PTK2: variants seen among roughly 807,000 people sequenced by gnomAD.
PTK2 encodes focal adhesion kinase 1.
PTK2 carries 45 observed loss-of-function variants against 150.1 expected under a neutral mutation model. The ratio of observed to expected loss-of-function variants is 0.30; its 90% CI spans 0.24 to 0.38. The LOEUF is 0.38. Ranked by LOEUF, PTK2 falls within the 10% of genes least tolerant of loss-of-function variation. The pLI is 1.00. For synonymous variants in PTK2, 432 were observed against 449.2 expected, an observed-to-expected ratio of 0.96 and a Z score of 0.48; for missense variants, 919 against 1,307.3, an observed-to-expected ratio of 0.70 and a Z score of 4.58.
intron 24 of PTK2, among the ~76,000 whole-genome samples, chr8:140,705,876 C>T (rs1003718460): frequency 5.3e-5 from 8 of 152,206 alleles, no homozygotes; most frequent in African/African-American, 9.6e-5. Flanking sequence ...TGGATGAAAA[C>T]GTGCCTAAGA....
At chr8:140,773,646 G>C (rs1412073025) in intron 14 of PTK2, among the ~76,000 whole-genome samples, 1 of 152,154 alleles carries the variant, frequency 6.6e-6, no homozygotes, top group Non-Finnish European at 1.5e-5. Context: ...AGAGTTGGGA[G>C]TGGGAAGGGG....
intron 16 of PTK2, among the ~76,000 whole-genome samples, chr8:140,760,587 G>C (rs2100068857): frequency 6.6e-6 from 1 of 152,184 alleles, no homozygotes; most frequent in Admixed American, 6.5e-5. Flanking sequence ...GGTGGAATGG[G>C]AAGTAACTGC....
chr8:140,717,149 G>C (rs2100040143), intron 23 of PTK2, among the ~76,000 whole-genome samples: 1 of 152,142 alleles, frequency 6.6e-6, no homozygotes, highest in Non-Finnish European at 1.5e-5. Context: ...AAAGAAAAAG[G>C]CAAAAAATGT....
intron 15 of PTK2, 89 bp from the exon 19 acceptor site, chr8:140,761,351 T>C (rs2100069342): frequency 3.8e-6 from 4 of 1,042,506 alleles, no homozygotes; most frequent in Non-Finnish European, 4.5e-6. Flanking sequence ...CATCCATAAG[T>C]AAAATTTCAT....
rs1181421194 is a variant in PTK2, at chr8:140,693,564, T to TTAAAAAAAA, written c.2500-6871_2500-6870insTTTTTTTTA. On this transcript the variant is annotated intron_variant, in intron 26 of 31. Coordinates refer to ENST00000522684, the Ensembl canonical transcript of PTK2. ...CCACAGAGTGAGACTTTGTCTCAATTAAAAAAAAAAAAAAAAAAAAAAAAA... is the reference window on the plus strand; with the variant it reads ...CCACAGAGTGAGACTTTGTCTCAATTTAAAAAAAAAAAAAAAAAAAAAAAAAAAAAAAAA... Among the ~76,000 whole-genome samples, 33 of 72,456 alleles carry TTAAAAAAAA rather than the reference T, an allele frequency of 4.6e-4. 15 individuals are homozygous for TTAAAAAAAA. Among genetic ancestry groups the TTAAAAAAAA allele is most frequent in the African/African-American group, 1.9e-3 (31 of 16,652 alleles). The allele number at this position is 72,456 out of a possible 152,430, so 47.5% of individuals were successfully genotyped here.
intron 8 of PTK2, among the ~76,000 whole-genome samples, chr8:140,823,964 C>G (rs1567057268): frequency 6.6e-6 from 1 of 152,210 alleles, no homozygotes; most frequent in East Asian, 1.9e-4. Context: ...TTCAAGCCCT[C>G]CTTGTTTCTC....
chr8:140,691,198 G>GC (rs1401054232), intron 26 of PTK2, among the ~76,000 whole-genome samples: 5 of 147,214 alleles, frequency 3.4e-5, no homozygotes, highest in African/African-American at 1.2e-4. Context: ...GATGGTTGGG[G>GC]GTGGGGGGTC....
At chr8:140,779,581 T>C (rs1178045616) in intron 14 of PTK2, among the ~76,000 whole-genome samples, 2 of 151,888 alleles carry the variant, frequency 1.3e-5, no homozygotes, top group Non-Finnish European at 2.9e-5. Flanking sequence ...TAGAGGAAGG[T>C]GACAAAGAGG....
At chr8:140,669,888 TCTCA>T in intron 29 of PTK2, 153 bp from the exon 33 acceptor site, 3 of 822,952 alleles carry the variant, frequency 3.6e-6, no homozygotes, top group Non-Finnish European at 3.8e-6. Context: ...GCCCACCAGC[TCTCA>T]CTCACTGTTG....
At position 140,686,622 on chromosome 8, in the gene PTK2, T is replaced by C; in HGVS notation, c.2562+10A>G. On this transcript the variant is annotated intron_variant, in intron 27 of 31. Coordinates refer to ENST00000522684, the Ensembl canonical transcript of PTK2. ...CTGGAAATCAAATCCTGCTGAAAAC[T>C]CAGGCTTACCGGACCCTGAAGACTT... is the stretch of plus-strand genomic sequence containing the variant. 1.2e-6 allele frequency: 2 copies of C among 1,610,660 alleles called. No homozygotes were observed. Among genetic ancestry groups the C allele is most frequent in the Non-Finnish European group, 1.7e-6 (2 of 1,176,892 alleles).
intron 22 of PTK2, among the ~76,000 whole-genome samples, chr8:140,719,711 A>G (rs1399462210): frequency 6.6e-6 from 1 of 151,972 alleles, no homozygotes; most frequent in East Asian, 1.9e-4. Flanking sequence ...AGGTGCTCTA[A>G]CAGAAAAGAA....
chr8:140,741,371 C>T (rs192877923), intron 20 of PTK2, among the ~76,000 whole-genome samples: 2,293 of 151,684 alleles, frequency 0.015, 114 homozygotes, highest in Admixed American at 0.093. Context: ...AGGAGAATGG[C>T]GTGAACTTGG....
chr8:140,697,538 T>A (rs564968450), intron 26 of PTK2, among the ~76,000 whole-genome samples: 1 of 152,024 alleles, frequency 6.6e-6, no homozygotes, highest in Admixed American at 6.6e-5. Flanking sequence ...CCTCCCGGGT[T>A]CAAACGATTC....
intron 1 of PTK2, among the ~76,000 whole-genome samples, chr8:140,945,950 T>A (rs1156919618): frequency 6.6e-6 from 1 of 152,184 alleles, no homozygotes; most frequent in Non-Finnish European, 1.5e-5. Flanking sequence ...TTTCAATCAG[T>A]ATTTTCTACT....
At chr8:140,755,149 T>A (rs1565714404) in intron 16 of PTK2, among the ~76,000 whole-genome samples, 1 of 151,950 alleles carries the variant, frequency 6.6e-6, no homozygotes, top group Non-Finnish European at 1.5e-5. Flanking sequence ...TAAGAGAAAA[T>A]TAGATTTAAT....
intron 23 of PTK2, among the ~76,000 whole-genome samples, chr8:140,716,831 C>T (rs2100039948): frequency 6.6e-6 from 1 of 152,094 alleles, no homozygotes; most frequent in Admixed American, 6.6e-5. Flanking sequence ...AGAAAAAGAA[C>T]AGAACTGGAG....
intron 1 of PTK2, among the ~76,000 whole-genome samples, chr8:140,948,351 A>G (rs2100178384): frequency 6.6e-6 from 1 of 152,200 alleles, no homozygotes; most frequent in Non-Finnish European, 1.5e-5. Context: ...AGAAATAACA[A>G]AAACAAAATA....
At chr8:140,927,815 C>T (rs759573667) in intron 1 of PTK2, among the ~76,000 whole-genome samples, 3 of 150,484 alleles carry the variant, frequency 2.0e-5, no homozygotes, top group South Asian at 2.1e-4. Context: ...ATTGGCCGCG[C>T]GTGGTGGCAC....
In PTK2 at chr8:140,661,210, G is replaced by C. The variant is rs559459898; in HGVS notation, c.2947-1532C>G. On this transcript the variant is annotated intron_variant, in intron 31 of 31. Coordinates refer to ENST00000522684, the Ensembl canonical transcript of PTK2. The stretch of plus-strand genomic sequence containing the variant: ...AGGGATAAGAGATTTTTAAGAAGGA[G>C]AATGACAAAATCTAGAGAGATATTC... Among the ~76,000 whole-genome samples, 6 of 152,308 alleles carry C rather than the reference G, an allele frequency of 3.9e-5. No homozygotes were observed. The East Asian group carries it at 1.2e-3, about 29-fold the overall frequency.
Sources: allele counts gnomAD v4.1 joint callset (sites outside exome capture counted in the v4.1 genomes callset), GRCh38; gene constraint gnomAD v4.1.1; transcripts MANE v1.5; gene names NCBI Gene and HGNC (gene_info 2026-07-23, HGNC 2026-07-21).